The following EVA1A variants were observed in gnomAD, a reference collection of about 807,000 sequenced individuals.
EVA1A encodes protein eva-1 homolog A.
EVA1A carries 7 observed loss-of-function variants against 9.8 expected under a neutral mutation model. The ratio of observed to expected loss-of-function variants is 0.71; its 90% CI spans 0.41 to 1.34. EVA1A has a LOEUF of 1.34. EVA1A is among the 40% of genes most tolerant of loss of function. The pLI is 0.01. For synonymous variants in EVA1A, 90 were observed against 85.6 expected, an observed-to-expected ratio of 1.05 and a Z score of -0.28; for missense variants, 206 against 205.9, an observed-to-expected ratio of 1.00 and a Z score of 0.00.
At chr2:75,562,777 T>C (rs1406306889), upstream of EVA1A, among the ~76,000 whole-genome samples, 2 of 152,232 alleles carry the variant, frequency 1.3e-5, no homozygotes, top group Non-Finnish European at 2.9e-5. Flanking sequence ...CCTGATGTAA[T>C]ACTACGTGTG....
At chr2:75,501,777 G>A (rs2016839) in intron 3 of EVA1A, among the ~76,000 whole-genome samples, 50,891 of 152,016 alleles carry the variant, frequency 0.33, 8,683 homozygotes, top group Admixed American at 0.38. Context: ...CAGAGTAAGT[G>A]GGAATCAGCA....
chr2:75,543,040 G>C (rs1331142977), intron 1 of EVA1A, among the ~76,000 whole-genome samples: 1 of 152,134 alleles, frequency 6.6e-6, no homozygotes, highest in Non-Finnish European at 1.5e-5. Flanking sequence ...AAATCATGGA[G>C]ACTGGCAGGA....
chr2:75,566,223 C>A (rs766373155), intron 1 of EVA1A, among the ~76,000 whole-genome samples: 7 of 152,210 alleles, frequency 4.6e-5, no homozygotes, highest in Non-Finnish European at 1.0e-4. Context: ...ATAGTCCAAC[C>A]TTTTGCCAAA....
chr2:75,550,799 C>T (rs548468600), intron 1 of EVA1A, among the ~76,000 whole-genome samples: 7 of 152,184 alleles, frequency 4.6e-5, no homozygotes, highest in Non-Finnish European at 8.8e-5. Flanking sequence ...CCTCTCCCAG[C>T]GTGCATAGTC....
intron 1 of EVA1A, among the ~76,000 whole-genome samples, chr2:75,536,062 A>G (rs1357403756): frequency 6.6e-6 from 1 of 152,226 alleles, no homozygotes; most frequent in Admixed American, 6.5e-5. Context: ...ATATGAAGTT[A>G]GTTTCTTATA....
At chr2:75,529,297 G>A (rs1675563082) in intron 1 of EVA1A, among the ~76,000 whole-genome samples, 1 of 152,168 alleles carries the variant, frequency 6.6e-6, no homozygotes, top group South Asian at 2.1e-4. Flanking sequence ...CACAATAATA[G>A]TGGGGAACTT....
intron 1 of EVA1A, among the ~76,000 whole-genome samples, chr2:75,559,725 C>T (rs1299610380): frequency 7.7e-6 from 1 of 129,742 alleles, no homozygotes; most frequent in Non-Finnish European, 1.6e-5. Context: ...GTTGGGGGGA[C>T]GGTTCTTGCT....
At chr2:75,565,204 C>T (rs185861897), upstream of EVA1A, among the ~76,000 whole-genome samples, 36 of 152,346 alleles carry the variant, frequency 2.4e-4, no homozygotes, top group Admixed American at 4.6e-4. Flanking sequence ...ACTCAGCTCT[C>T]AGCTGGGGCA....
chr2:75,493,620 A>G lies in EVA1A; in HGVS notation c.86-11T>C, dbSNP rs748127974. ...CTCGCTCAGGATTTTCTGGAGGAAG[A>G]AGAGGAAGAAGCAAGCATTTGAGAG... On this transcript the variant is annotated splice_polypyrimidine_tract_variant and intron_variant, in intron 3 of 3. Coordinates refer to ENST00000393913, the MANE Select transcript of EVA1A (RefSeq NM_001135032.2). The G allele has an allele frequency of 1.3e-6, 2 of 1,568,490 alleles. No individual in the cohort carries two copies. Among genetic ancestry groups the G allele is most frequent in the African/African-American group, 2.7e-5 (2 of 73,992 alleles).
chr2:75,551,414 T>C (rs1337356692), intron 1 of EVA1A, among the ~76,000 whole-genome samples: 1 of 152,216 alleles, frequency 6.6e-6, no homozygotes, highest in Non-Finnish European at 1.5e-5. Flanking sequence ...CTCTCATTCT[T>C]CCATATCATT....
rs114345225 is a variant in EVA1A, at chr2:75,494,986, T to C, written c.86-1377A>G. Among the ~76,000 whole-genome samples the C allele has an allele frequency of 3.8e-3, 571 of 152,110 alleles. 4 individuals are homozygous for C. The highest frequency in any genetic ancestry group is 0.013 in the African/African-American group (541 of 41,486). ...GATGTGCTTAACAGAATGGGAGTCT[T>C]TGAGTGAACAGTTTTCATTCTAGGT... On this transcript the variant is annotated intron_variant, in intron 3 of 3. Coordinates refer to ENST00000393913, the MANE Select transcript of EVA1A (RefSeq NM_001135032.2).
At chr2:75,519,374 A>T (rs1675152556) in intron 2 of EVA1A, among the ~76,000 whole-genome samples, 1 of 152,158 alleles carries the variant, frequency 6.6e-6, no homozygotes, top group South Asian at 2.1e-4. Context: ...AGGCCTGGAG[A>T]GCGGCAGTTC....
chr2:75,562,072 C>T (rs1251830709), upstream of EVA1A, among the ~76,000 whole-genome samples: 3 of 152,074 alleles, frequency 2.0e-5, no homozygotes, highest in African/African-American at 2.4e-5. Flanking sequence ...TGAAAACCCT[C>T]GGGCCGCACT....
At chr2:75,518,540 C>A (rs1675100169) in intron 2 of EVA1A, 1 of 947,982 alleles carries the variant, frequency 1.1e-6, no homozygotes, top group Non-Finnish European at 1.3e-6. Flanking sequence ...AGCTTCCTGG[C>A]TTTCAAGGAA....
intron 1 of EVA1A, among the ~76,000 whole-genome samples, chr2:75,567,355 C>T (rs1016145982): frequency 3.3e-5 from 5 of 152,098 alleles, no homozygotes; most frequent in Admixed American, 2.6e-4. Flanking sequence ...ATAGCTCAAC[C>T]TCATAGCATA....
intron 1 of EVA1A, among the ~76,000 whole-genome samples, chr2:75,545,857 G>A (rs1183256265): frequency 6.6e-6 from 1 of 152,062 alleles, no homozygotes; most frequent in Non-Finnish European, 1.5e-5. Context: ...CAGAGGAAGG[G>A]GTCATAGCTT....
At chr2:75,553,459 A>G (rs1676596211) in intron 1 of EVA1A, among the ~76,000 whole-genome samples, 1 of 152,200 alleles carries the variant, frequency 6.6e-6, no homozygotes, top group Non-Finnish European at 1.5e-5. Context: ...ACTATCTCTG[A>G]TTTCCTCATC....
rs866838903 is a variant in EVA1A at position 75,533,661 on chromosome 2, G to A, written c.-191-11174C>T. ...TCTGAATGTATATAAAGGAAGCCAG[G>A]TGCAGTTGCTCACACCTGTAATCCC... On this transcript the variant is annotated intron_variant, in intron 1 of 3. Transcript: ENST00000393913. Among the ~76,000 whole-genome samples, 138 of 152,122 alleles carry A rather than the reference G, an allele frequency of 9.1e-4. 1 individual carries two copies. The highest frequency in any genetic ancestry group is 3.1e-3 in the African/African-American group (130 of 41,526).
intron 1 of EVA1A, among the ~76,000 whole-genome samples, chr2:75,559,276 T>A (rs1299826086): frequency 6.6e-6 from 1 of 152,210 alleles, no homozygotes; most frequent in Non-Finnish European, 1.5e-5. Flanking sequence ...CAGCCAAATA[T>A]GTCTCCAGAC....
Sources: allele counts gnomAD v4.1 joint callset (sites outside exome capture counted in the v4.1 genomes callset), GRCh38; gene constraint gnomAD v4.1.1; transcripts MANE v1.5; gene names NCBI Gene and HGNC (gene_info 2026-07-23, HGNC 2026-07-21).